The following CDH22 variants were observed in gnomAD, a reference collection of about 807,000 sequenced individuals.
The protein encoded by CDH22 is cadherin-22.
In CDH22, 30 loss-of-function variants were observed where a neutral mutation model predicts 58.4. The ratio of observed to expected loss-of-function variants is 0.51; its 90% CI spans 0.38 to 0.70. The LOEUF (loss-of-function observed/expected upper bound fraction) is 0.70, where lower values mean the gene tolerates loss of function less well. Ranked by LOEUF, CDH22 falls within the 30% of genes least tolerant of loss-of-function variation. The pLI, the probability that CDH22 is intolerant of heterozygous loss-of-function variation, is 0.00. For synonymous variants in CDH22, 513 were observed against 558.2 expected (o/e 0.92, Z 1.14); for missense variants, 1,014 against 1,233.9 (o/e 0.82, Z 2.67).
At position 46,213,037 on chromosome 20, in the gene CDH22, G is replaced by T. The variant is rs1168983236; in HGVS notation, c.990C>A (p.Thr330=). ...TGGCCTCCTGAGTGTCGCTGTCTGT[G>T]GTGACCTTGAACACATCGCCGCCGC... ...SSSGGDVFKV[T]TDSDTQEAII... is the part of the protein sequence containing the mutation. Residue 330 remains threonine (T), a synonymous_variant, in exon 6 of 12, where the codon ACC becomes ACA. Coordinates refer to ENST00000537909, the MANE Select transcript of CDH22 (RefSeq NM_021248.3). 21 of 1,614,166 alleles carry T rather than the reference G, an allele frequency of 1.3e-5. No homozygotes were observed. The highest frequency in any genetic ancestry group is 1.8e-5 in the Non-Finnish European group (21 of 1,180,018).
chr20:46,196,499 C>T (rs1231850177), intron 8 of CDH22, among the ~76,000 whole-genome samples: 1 of 152,200 alleles, frequency 6.6e-6, no homozygotes, highest in Admixed American at 6.5e-5. Flanking sequence ...GTCTCGAACT[C>T]TTGAACTCAA....
intron 2 of CDH22, among the ~76,000 whole-genome samples, chr20:46,245,249 C>G (rs141452987): frequency 6.6e-6 from 1 of 152,270 alleles, no homozygotes; most frequent in Non-Finnish European, 1.5e-5. Context: ...CAATCAATGC[C>G]TTCTTGTCTT....
Position 46,251,149 on chromosome 20 carries a change from G to C in CDH22, c.146C>G (p.Ala49Gly), listed in dbSNP as rs756360868. The stretch of plus-strand genomic sequence containing the variant: ...GGCTCCCAGCGCGCCGTCCTGCCGA[G>C]CTCCGGGCGCCGACGGCGAGGGTGT... ...AGTPSPSAPG[A>G]RQDGALGAGR... The change falls in exon 2 of 12, where the codon GCT (alanine) becomes GGT (glycine). Residue 49 changes from alanine (A) to glycine (G), a missense_variant. Around this residue, in one of 2 missense-constraint regions of CDH22, gnomAD observed 806 missense variants for 1,038.7 expected, o/e 0.78. Transcript: ENST00000537909. The surrounding 1 kb of genome is among the most constrained non-coding windows in gnomAD (Gnocchi z 6.7). The C allele has an allele frequency of 1.3e-6, 2 of 1,594,060 alleles. No homozygotes were observed. The highest frequency in any genetic ancestry group is 1.7e-6 in the Non-Finnish European group (2 of 1,171,452).
At chr20:46,266,807 G>T (rs534831488) in intron 1 of CDH22, among the ~76,000 whole-genome samples, 5 of 152,126 alleles carry the variant, frequency 3.3e-5, no homozygotes, top group Non-Finnish European at 5.9e-5. Context: ...GGGTCATGCC[G>T]GTGTATAGCA....
intron 1 of CDH22, among the ~76,000 whole-genome samples, chr20:46,260,566 G>A (rs982075717): frequency 1.3e-5 from 2 of 152,308 alleles, no homozygotes; most frequent in African/African-American, 4.8e-5. Context: ...CTGGGGCCTG[G>A]GAGGGACTCA....
At chr20:46,259,920 G>A (rs1175266272) in intron 1 of CDH22, among the ~76,000 whole-genome samples, 1 of 152,192 alleles carries the variant, frequency 6.6e-6, no homozygotes, top group African/African-American at 2.4e-5. Flanking sequence ...GACATGGCTG[G>A]CTGCAAACAG....
intron 1 of CDH22, among the ~76,000 whole-genome samples, chr20:46,260,611 G>T (rs2086428646): frequency 6.6e-6 from 1 of 152,224 alleles, no homozygotes; most frequent in African/African-American, 2.4e-5. Context: ...TCAGAGGCTG[G>T]TTGGGTAATA....
rs1326521099 is a variant in CDH22 at position 46,251,297 on chromosome 20, T to C, written c.-3A>G. 5 of 1,448,894 alleles carry C rather than the reference T, an allele frequency of 3.5e-6. No homozygotes were observed. The highest frequency in any genetic ancestry group is 3.5e-4 in the Middle Eastern group (2 of 5,666). 89.8% of individuals were successfully genotyped at this position (1,448,894 alleles called of 1,614,324 possible). A position where few individuals can be genotyped will look rare whatever the true frequency, so the allele number is the denominator to read the frequency against. The stretch of plus-strand genomic sequence containing the variant: ...CTACCTTCGGGCCTCGGCCTCATCC[T>C]TGGCCTGCGCGGGGCTGGGGCCCAG... On this transcript the variant is annotated 5_prime_UTR_variant, in exon 2 of 12. Transcript: ENST00000537909. This position sits in a 1 kb window ranked among gnomAD's most constrained non-coding sequence, Gnocchi z 6.7.
At chr20:46,266,031 C>G (rs994713437) in intron 1 of CDH22, among the ~76,000 whole-genome samples, 5 of 128,592 alleles carry the variant, frequency 3.9e-5, no homozygotes, top group African/African-American at 1.6e-4. Flanking sequence ...CCCTCTGGGT[C>G]TCTCTCTCTC....
At chr20:46,209,204 G>A (rs981179661) in intron 7 of CDH22, among the ~76,000 whole-genome samples, 2 of 152,202 alleles carry the variant, frequency 1.3e-5, no homozygotes, top group African/African-American at 4.8e-5. Flanking sequence ...GATGACTTTT[G>A]AGCAAAGACC....
chr20:46,196,563 T>G (rs1260892880), intron 8 of CDH22, among the ~76,000 whole-genome samples: 2 of 152,220 alleles, frequency 1.3e-5, no homozygotes. Flanking sequence ...CGTGAGCCAC[T>G]GTGCCTGGCC....
At chr20:46,270,492 G>C (rs1015594271) in intron 1 of CDH22, among the ~76,000 whole-genome samples, 2 of 152,114 alleles carry the variant, frequency 1.3e-5, no homozygotes, top group African/African-American at 4.8e-5. Flanking sequence ...CTTAATCTCC[G>C]GTCTCGGGCT....
At position 46,241,481 on chromosome 20, in the gene CDH22, C is replaced by T. The variant is rs1195955827; in HGVS notation, c.256-224G>A. ...CTCCCTGCCCCTGGACTCTGCTTTC[C>T]CCTCTGCATTCAGAGCTATCAGCCT... is the stretch of plus-strand genomic sequence containing the variant. On this transcript the variant is annotated intron_variant, in intron 2 of 11. Transcript: ENST00000537909. This position sits in a 1 kb window ranked among gnomAD's most constrained non-coding sequence, Gnocchi z 5.2. 1.3e-5 allele frequency among the ~76,000 whole-genome samples: 2 copies of T among 152,208 alleles called. No individual in the cohort carries two copies. The highest frequency in any genetic ancestry group is 2.9e-5 in the Non-Finnish European group (2 of 68,038).
intron 1 of CDH22, among the ~76,000 whole-genome samples, chr20:46,301,300 A>G (rs544632832): frequency 6.4e-4 from 97 of 152,054 alleles, no homozygotes; most frequent in Non-Finnish European, 1.1e-3. Flanking sequence ...CTTTGTCTGT[A>G]TTACTTCATT....
chr20:46,261,060 T>C (rs1027122043), intron 1 of CDH22, among the ~76,000 whole-genome samples: 7 of 152,202 alleles, frequency 4.6e-5, no homozygotes, highest in Non-Finnish European at 8.8e-5. Context: ...GACCAGAGTT[T>C]GAGTTCCAGT....
chr20:46,200,497 G>C (rs2085952007), intron 7 of CDH22, among the ~76,000 whole-genome samples: 1 of 148,544 alleles, frequency 6.7e-6, no homozygotes, highest in Admixed American at 6.7e-5. Flanking sequence ...GCCCACACTG[G>C]TCTCGAACTA....
intron 7 of CDH22, among the ~76,000 whole-genome samples, chr20:46,203,026 CTCCTCCTCCTCCTCT>C (rs2085973258): frequency 6.6e-6 from 1 of 152,158 alleles, no homozygotes; most frequent in Non-Finnish European, 1.5e-5. Context: ...GCTGCTGCTG[CTCCTCCTCCTCCTCT>C]TCCTCCTTCT....
At chr20:46,203,075 G>C (rs1015691198) in intron 7 of CDH22, among the ~76,000 whole-genome samples, 1 of 151,804 alleles carries the variant, frequency 6.6e-6, no homozygotes, top group East Asian at 1.9e-4. Context: ...TTTCTCTTTT[G>C]TTCTTTCCTC....
intron 1 of CDH22, among the ~76,000 whole-genome samples, chr20:46,275,516 A>AT (rs1812226867): frequency 6.6e-6 from 1 of 152,060 alleles, no homozygotes; most frequent in African/African-American, 2.4e-5. Flanking sequence ...TATGATGCTT[A>AT]TTTTTTGTCA....
Sources: gnomAD v4.1 joint callset for allele counts (sites outside exome capture counted in the v4.1 genomes callset) on GRCh38, gnomAD v4.1.1 for gene constraint, gnomAD v4.1.1 regional missense constraint, Gnocchi (gnomAD v3.1) non-coding constraint, MANE v1.5 for transcripts, NCBI Gene and HGNC (gene_info 2026-07-23, HGNC 2026-07-21) for gene names.